Variants in PLCH1 observed in about 807,000 individuals in gnomAD.
The protein encoded by PLCH1 is phospholipase C eta 1.
A neutral mutation model predicts 126.7 loss-of-function variants in PLCH1; 60 were observed. The ratio of observed to expected loss-of-function variants is 0.47; its 90% CI spans 0.38 to 0.59. PLCH1 has a LOEUF of 0.59. Among genes scored for constraint, PLCH1 ranks in the 20% least tolerant of loss-of-function variants. PLCH1 has a pLI of 0.00. For missense variants in PLCH1, 1,723 were observed against 2,040.0 expected (o/e 0.84, Z 2.99); for synonymous variants, 719 against 734.9 (o/e 0.98, Z 0.35).
At position 155,480,460 on chromosome 3, in the gene PLCH1, CTA is replaced by C. The variant is rs1713837500; in HGVS notation, c.*506_*507del. On this transcript the variant is annotated 3_prime_UTR_variant, in exon 23 of 23. Coordinates refer to ENST00000460012, the MANE Select transcript of PLCH1 (RefSeq NM_014996.4). ...AAGAACATCCTAAAAGGCAAGGTAA[CTA>C]TTTTAAAGTTTTTAAAACTGAGTTA... The C allele has an allele frequency of 6.5e-6, 1 of 153,802 alleles. No individual in the cohort carries two copies. Among genetic ancestry groups the C allele is most frequent in the South Asian group, 2.0e-4 (1 of 4,922 alleles). 9.5% of individuals were successfully genotyped at this position (153,802 alleles called of 1,614,324 possible).
intron 2 of PLCH1, among the ~76,000 whole-genome samples, chr3:155,611,102 A>T (rs994243606): frequency 1.3e-5 from 2 of 152,212 alleles, no homozygotes; most frequent in Admixed American, 1.3e-4. Flanking sequence ...AAGCAAAAAC[A>T]GTTTAAAAAG....
At chr3:155,459,284 G>C (rs1378542955) in intron 21 of PLCH1, among the ~76,000 whole-genome samples, 1 of 152,166 alleles carries the variant, frequency 6.6e-6, no homozygotes, top group Non-Finnish European at 1.5e-5. Flanking sequence ...TCTATGGCAG[G>C]TGGTGGGACC....
chr3:155,683,902 G>T (rs11928132), intron 2 of PLCH1, among the ~76,000 whole-genome samples: 2,737 of 152,280 alleles, frequency 0.018, 90 homozygotes, highest in African/African-American at 0.062. Context: ...GGAGCTGGAT[G>T]ACTAGAGTGG....
intron 2 of PLCH1, among the ~76,000 whole-genome samples, chr3:155,646,729 C>G (rs1391809615): frequency 6.6e-6 from 1 of 152,166 alleles, no homozygotes; most frequent in African/African-American, 2.4e-5. Context: ...CTATGAAGCC[C>G]TCCTTGAACC....
At chr3:155,501,896 A>G (rs916242379) in intron 13 of PLCH1, among the ~76,000 whole-genome samples, 10 of 152,368 alleles carry the variant, frequency 6.6e-5, no homozygotes, top group Admixed American at 3.9e-4. Context: ...CAAAGGTAAG[A>G]TGTTTAGACA....
At chr3:155,701,695 C>T (rs1341384658) in intron 2 of PLCH1, among the ~76,000 whole-genome samples, 3 of 152,182 alleles carry the variant, frequency 2.0e-5, no homozygotes, top group African/African-American at 7.2e-5. Context: ...TGTCCTGTCC[C>T]TTTCTTTTCT....
intron 14 of PLCH1, among the ~76,000 whole-genome samples, chr3:155,499,201 T>C (rs1457723075): frequency 6.6e-6 from 1 of 152,176 alleles, no homozygotes; most frequent in East Asian, 1.9e-4. Flanking sequence ...TATTGGCCAT[T>C]TGTATATCTT....
intron 3 of PLCH1, among the ~76,000 whole-genome samples, chr3:155,595,240 T>C (rs1230909040): frequency 2.0e-5 from 3 of 152,210 alleles, no homozygotes; most frequent in African/African-American, 7.2e-5. Context: ...AGAGCAAATA[T>C]GAAGGTTTGG....
In PLCH1 at chr3:155,603,959, T is replaced by A. The variant is rs140076031; in HGVS notation, c.80-7581A>T. Among the ~76,000 whole-genome samples, 771 of 152,012 alleles carry A rather than the reference T, an allele frequency of 5.1e-3. 8 individuals carry two copies. The highest frequency in any genetic ancestry group is 0.018 in the African/African-American group (735 of 41,466). The stretch of plus-strand genomic sequence containing the variant: ...CAAAAAATTTAAAAAATTAACCAGG[T>A]CTCGTGGCACAAACCTAGAGTCCCA... On this transcript the variant is annotated intron_variant, in intron 2 of 22. Transcript: ENST00000460012.
At chr3:155,702,778 A>G (rs1187714014) in intron 2 of PLCH1, among the ~76,000 whole-genome samples, 2 of 152,226 alleles carry the variant, frequency 1.3e-5, no homozygotes, top group Non-Finnish European at 2.9e-5. Context: ...TTTTTCTATT[A>G]TCATATTTAC....
At chr3:155,496,298 C>G (rs945738732) in intron 15 of PLCH1, among the ~76,000 whole-genome samples, 4 of 152,092 alleles carry the variant, frequency 2.6e-5, no homozygotes, top group African/African-American at 7.2e-5. Flanking sequence ...CCAAATATAC[C>G]TTTAACTTAA....
chr3:155,461,736 C>T (rs775762531), intron 21 of PLCH1, among the ~76,000 whole-genome samples: 7 of 152,150 alleles, frequency 4.6e-5, no homozygotes, highest in Admixed American at 2.0e-4. Flanking sequence ...AGTTCCTCTC[C>T]GGAGTGACCC....
At chr3:155,469,554 C>A (rs1713084254) in intron 21 of PLCH1, among the ~76,000 whole-genome samples, 1 of 152,082 alleles carries the variant, frequency 6.6e-6, no homozygotes, top group African/African-American at 2.4e-5. Context: ...CCAGGAAGCT[C>A]AAACTGGGTG....
chr3:155,492,972 A>T lies in PLCH1; in HGVS notation c.2183-119T>A, dbSNP rs189547913. On this transcript the variant is annotated intron_variant, in intron 17 of 22. Coordinates refer to ENST00000460012, the MANE Select transcript of PLCH1 (RefSeq NM_014996.4). ...CAAATGCTGAATTACATGATCACAT[A>T]ACTATCAGTGTGGCATAGCTGTGGT... 58 of 873,484 alleles carry T rather than the reference A, an allele frequency of 6.6e-5. No homozygotes were observed. The Middle Eastern group carries it at 1.8e-3, about 27-fold the overall frequency. 54.1% of individuals were successfully genotyped at this position (873,484 alleles called of 1,614,324 possible).
chr3:155,529,977 G>A (rs1722457407), intron 10 of PLCH1, among the ~76,000 whole-genome samples: 1 of 152,116 alleles, frequency 6.6e-6, no homozygotes, highest in Non-Finnish European at 1.5e-5. Flanking sequence ...ATGTTGGTCA[G>A]GCTGGTCTTG....
At chr3:155,685,313 G>T (rs1744853693) in intron 2 of PLCH1, among the ~76,000 whole-genome samples, 1 of 152,242 alleles carries the variant, frequency 6.6e-6, no homozygotes, top group East Asian at 1.9e-4. Flanking sequence ...TCAGGGAGAA[G>T]ATTAAGGTGG....
intron 21 of PLCH1, among the ~76,000 whole-genome samples, chr3:155,453,516 A>G (rs1386012650): frequency 6.6e-6 from 1 of 152,164 alleles, no homozygotes; most frequent in African/African-American, 2.4e-5. Flanking sequence ...GAAAAAATAA[A>G]TTCAAAACAT....
chr3:155,676,752 T>A (rs2109003313), intron 2 of PLCH1, among the ~76,000 whole-genome samples: 1 of 152,278 alleles, frequency 6.6e-6, no homozygotes, highest in Non-Finnish European at 1.5e-5. Context: ...ATAGCAATGA[T>A]CACAGAAAAG....
intron 2 of PLCH1, among the ~76,000 whole-genome samples, chr3:155,692,344 T>G (rs1745450511): frequency 6.6e-6 from 1 of 152,210 alleles, no homozygotes; most frequent in Non-Finnish European, 1.5e-5. Context: ...TTTTGTGTAC[T>G]GATCAAATCA....
Sources: allele counts gnomAD v4.1 joint callset (sites outside exome capture counted in the v4.1 genomes callset), GRCh38; gene constraint gnomAD v4.1.1; transcripts MANE v1.5; gene names NCBI Gene and HGNC (gene_info 2026-07-23, HGNC 2026-07-21).